Variants in NUP85 observed in about 807,000 individuals in gnomAD.
NUP85 encodes nuclear pore complex protein Nup85.
Under a neutral mutation model 92.8 loss-of-function variants are expected in NUP85, and 23 were observed. The ratio of observed to expected loss-of-function variants is 0.25; its 90% CI spans 0.18 to 0.35. The LOEUF (loss-of-function observed/expected upper bound fraction) is 0.35. Among genes scored for constraint, NUP85 ranks in the 10% least tolerant of loss-of-function variants. The pLI, the probability that NUP85 is intolerant of heterozygous loss-of-function variation, is 1.00. For synonymous variants in NUP85, 314 were observed against 306.9 expected (o/e 1.02, Z -0.24); for missense variants, 759 against 822.8 (o/e 0.92, Z 0.95).
chr17:75,219,277 G>A (rs2075527653), intron 7 of NUP85, among the ~76,000 whole-genome samples: 1 of 152,144 alleles, frequency 6.6e-6, no homozygotes, highest in Admixed American at 6.6e-5. Flanking sequence ...ATTCGCTAAG[G>A]TTTGTTGTTG....
chr17:75,220,123 G>A (rs1054349012), intron 7 of NUP85, among the ~76,000 whole-genome samples: 4 of 152,068 alleles, frequency 2.6e-5, no homozygotes, highest in African/African-American at 9.7e-5. Context: ...TAGCTGTGAG[G>A]TGGGTTTTTT....
Position 75,233,107 on chromosome 17 carries a change from ATTGACAACCTGGG to A in NUP85, c.1565_1577del (p.Ile522SerfsTer4). 1 of 1,614,042 alleles carries A rather than the reference ATTGACAACCTGGG, an allele frequency of 6.2e-7. No homozygotes were observed. On this transcript the variant is annotated frameshift_variant, in exon 16 of 19. Coordinates refer to ENST00000245544, the MANE Select transcript of NUP85 (RefSeq NM_024844.5). LOFTEE classifies it high-confidence loss of function. ...AGGCTGCTTTTCTGATTTGGATCTCATTGACAACCTGGGGCCAGCCATGATGCTCAGTGACCGA... is the reference window on the plus strand; with the variant it reads ...AGGCTGCTTTTCTGATTTGGATCTCAGCCAGCCATGATGCTCAGTGACCGA...
intron 4 of NUP85, 23 bp downstream of exon 4, chr17:75,212,085 C>A: frequency 2.1e-6 from 3 of 1,397,886 alleles, no homozygotes; most frequent in Non-Finnish European, 2.9e-6. Context: ...TGCGCGTGCG[C>A]GCGTGTGTGT....
chr17:75,208,575 G>T lies in NUP85; in HGVS notation c.82G>T (p.Gly28Cys), dbSNP rs1272373897. The T allele has an allele frequency of 6.2e-7, 1 of 1,610,184 alleles. No individual in the cohort carries two copies. Residue 28 changes from glycine (G) to cysteine (C), a missense_variant, in exon 2 of 19, where the codon GGT becomes TGT. Coordinates refer to ENST00000245544, the MANE Select transcript of NUP85 (RefSeq NM_024844.5). ...SKKNQMYFDW[G>C]PGEMLVCETS... ...GAAGAACCAAATGTATTTTGACTGG[G>T]GTCCAGGGGAGATGCTGGTATGTGA...
chr17:75,224,461 C>T (rs931187000), intron 7 of NUP85, among the ~76,000 whole-genome samples: 2 of 152,102 alleles, frequency 1.3e-5, no homozygotes, highest in African/African-American at 4.8e-5. Context: ...GAGAAATAAT[C>T]AACAGCACAC....
At position 75,229,730 on chromosome 17, in the gene NUP85, C is replaced by T. The variant is rs58856652; in HGVS notation, c.1095-1610C>T. Among the ~76,000 whole-genome samples the T allele has an allele frequency of 5.5e-3, 836 of 152,318 alleles. 7 individuals are homozygous for T. The highest frequency in any genetic ancestry group is 0.019 in the African/African-American group (785 of 41,566). On this transcript the variant is annotated intron_variant, in intron 11 of 18. Coordinates refer to ENST00000245544, the MANE Select transcript of NUP85 (RefSeq NM_024844.5). Reference sequence around the variant, plus strand: ...TGTTGTTAGTTCTCTGCTCTCAGTGCTTGCTGCCTTCCAGCCTTGGAGGCT... The same window carrying T: ...TGTTGTTAGTTCTCTGCTCTCAGTGTTTGCTGCCTTCCAGCCTTGGAGGCT...
chr17:75,230,217 A>C lies in NUP85; in HGVS notation c.1095-1123A>C, dbSNP rs896939160. Among the ~76,000 whole-genome samples the C allele has an allele frequency of 7.3e-5, 11 of 151,062 alleles. No individual in the cohort carries two copies. The East Asian group carries it at 1.2e-3, about 16-fold the overall frequency. On this transcript the variant is annotated intron_variant, in intron 11 of 18. Transcript: ENST00000245544. The stretch of plus-strand genomic sequence containing the variant: ...GCCACCACGCCCAGCTAACTTTTGT[A>C]TTTTTGGTGGAGATGGGGTTTTGCC...
intron 1 of NUP85, chr17:75,208,193 T>C (rs1399045832): frequency 1.7e-5 from 4 of 240,154 alleles, no homozygotes; most frequent in East Asian, 1.9e-4. Flanking sequence ...CCTAGCACTT[T>C]GGGAGGCTGA....
intron 6 of NUP85, 88 bp from the exon 7 acceptor site, chr17:75,218,097 T>C (rs2075485795): frequency 7.0e-6 from 11 of 1,566,636 alleles, no homozygotes; most frequent in Non-Finnish European, 9.6e-6. Flanking sequence ...TCAGCTTGTC[T>C]GCCTTAAAGT....
chr17:75,218,260 T>C lies in NUP85; in HGVS notation c.551T>C (p.Val184Ala). The C allele has an allele frequency of 6.2e-7, 1 of 1,613,910 alleles. No individual in the cohort carries two copies. The highest frequency in any genetic ancestry group is 1.1e-5 in the South Asian group (1 of 91,076). ...GAGGTGGACAGTTTGTCGGCAGATG[T>C]TCTGGGCAGTGAGAATCCAAGCAAA... is the stretch of plus-strand genomic sequence containing the variant. ...VCEVDSLSAD[V>A]LGSENPSKHD... The change falls in exon 7 of 19, where the codon GTT (valine) becomes GCT (alanine). Residue 184 changes from valine (V) to alanine (A), a missense_variant. Transcript: ENST00000245544.
rs115995195 is a variant in NUP85 at position 75,226,273 on chromosome 17, T to C, written c.1094+116T>C. 1.7e-3 allele frequency: 1,227 copies of C among 733,368 alleles called. 11 individuals are homozygous for C. The African/African-American group carries it at 0.019, about 11-fold the overall frequency. The allele number at this position is 733,368 out of a possible 1,614,324, so 45.4% of individuals were successfully genotyped here. On this transcript the variant is annotated intron_variant, in intron 11 of 18. Coordinates refer to ENST00000245544, the MANE Select transcript of NUP85 (RefSeq NM_024844.5). ...CCTTCTTCCCTCAGACCTGCTATCT[T>C]AGTCCATCTCACGCTGATATTACAG...
intron 6 of NUP85, among the ~76,000 whole-genome samples, chr17:75,216,722 T>C (rs1253580845): frequency 6.6e-6 from 1 of 152,214 alleles, no homozygotes; most frequent in African/African-American, 2.4e-5. Context: ...AGCATTTTAT[T>C]CATACTCTCA....
chr17:75,212,226 GA>G lies in NUP85; in HGVS notation c.361+165del, dbSNP rs2075286833. Among the ~76,000 whole-genome samples, 9 of 76,440 alleles carry G rather than the reference GA, an allele frequency of 1.2e-4. 2 individuals carry two copies. Among genetic ancestry groups the G allele is most frequent in the South Asian group, 4.9e-4 (1 of 2,030 alleles). 50.1% of individuals were successfully genotyped at this position (76,440 alleles called of 152,430 possible). A position where few individuals can be genotyped will look rare whatever the true frequency, so the allele number is the denominator to read the frequency against. On this transcript the variant is annotated intron_variant, in intron 4 of 18. Transcript: ENST00000245544. ...TCCTTACTTTTTTGGTAATCATTTA[GA>G]GGTTTTTTTTTTTGTTGTTGTTTTT...
At chr17:75,223,892 A>G (rs2145339592) in intron 7 of NUP85, among the ~76,000 whole-genome samples, 1 of 152,312 alleles carries the variant, frequency 6.6e-6, no homozygotes, top group East Asian at 1.9e-4. Flanking sequence ...CCACCTTTCC[A>G]GATAGTGGTG....
rs1201009726 is a variant in NUP85, at chr17:75,231,445, ATCC to A, written c.1178+28_1178+30del. 2 of 1,613,490 alleles carry A rather than the reference ATCC, an allele frequency of 1.2e-6. No individual in the cohort carries two copies. The highest frequency in any genetic ancestry group is 2.2e-5 in the South Asian group (2 of 91,060). ...TCTAGTAAGTGGCCGGGAGGCACCG[ATCC>A]TCCTCTTCTTACCACCAGGCCCCCG... On this transcript the variant is annotated intron_variant, in intron 12 of 18. Coordinates refer to ENST00000245544, the MANE Select transcript of NUP85 (RefSeq NM_024844.5). This position sits in a 1 kb window ranked among gnomAD's most constrained non-coding sequence, Gnocchi z 4.6.
Position 75,212,247 on chromosome 17 carries a change from GTTTTTT to G in NUP85, c.361+219_361+224del, listed in dbSNP as rs1219393857. ...TTTAGAGGTTTTTTTTTTTGTTGTT[GTTTTTT>G]TTTTTTTTTTTTTTTTTTTTTTTTT... On this transcript the variant is annotated intron_variant, in intron 4 of 18. Coordinates refer to ENST00000245544, the MANE Select transcript of NUP85 (RefSeq NM_024844.5). 1.6e-3 allele frequency among the ~76,000 whole-genome samples: 6 copies of G among 3,670 alleles called. 1 individual carries two copies. Among genetic ancestry groups the G allele is most frequent in the African/African-American group, 2.1e-3 (6 of 2,900 alleles). 2.4% of individuals were successfully genotyped at this position (3,670 alleles called of 152,430 possible). A position where few individuals can be genotyped will look rare whatever the true frequency, so the allele number is the denominator to read the frequency against.
chr17:75,225,085 G>T lies in NUP85; in HGVS notation c.598-18G>T. 6.5e-7 allele frequency: 1 copy of T among 1,531,088 alleles called. No individual in the cohort carries two copies. The highest frequency in any genetic ancestry group is 8.8e-7 in the Non-Finnish European group (1 of 1,137,262). The allele number at this position is 1,531,088 out of a possible 1,614,324, so 94.8% of individuals were successfully genotyped here. A position where few individuals can be genotyped will look rare whatever the true frequency, so the allele number is the denominator to read the frequency against. ...CCAGGCCTCCTGCCAATGCTTATGG[G>T]CCCGGATCTCCTCCCAGGTGACCAT... On this transcript the variant is annotated intron_variant, in intron 7 of 18. Coordinates refer to ENST00000245544, the MANE Select transcript of NUP85 (RefSeq NM_024844.5).
intron 7 of NUP85, 45 bp from the exon 8 acceptor site, chr17:75,225,058 G>A (rs1043039970): frequency 1.3e-5 from 19 of 1,510,796 alleles, no homozygotes; most frequent in Admixed American, 2.2e-5. Context: ...GCCTCGGCAG[G>A]GCCAGGCCTC....
In NUP85 at chr17:75,235,166, C is replaced by T; in HGVS notation, c.1834C>T (p.Pro612Ser). ...TCTGGAGGACTTGACGTCAAGAAGA[C>T]CTGTGCATGGAGAATCTGATACCGA... The part of the protein sequence containing the change: ...RCLEDLTSRR[P>S]VHGESDTEQL... Residue 612 changes from proline (P) to serine (S), a missense_variant, in exon 18 of 19, where the codon CCT (proline) becomes TCT (serine). Coordinates refer to ENST00000245544, the MANE Select transcript of NUP85 (RefSeq NM_024844.5). The T allele has an allele frequency of 6.2e-7, 1 of 1,614,096 alleles. No individual in the cohort carries two copies. The highest frequency in any genetic ancestry group is 8.5e-7 in the Non-Finnish European group (1 of 1,179,974).
Sources: gnomAD v4.1 joint callset for allele counts (sites outside exome capture counted in the v4.1 genomes callset) on GRCh38, gnomAD v4.1.1 for gene constraint, Gnocchi (gnomAD v3.1) non-coding constraint, MANE v1.5 for transcripts, NCBI Gene and HGNC (gene_info 2026-07-23, HGNC 2026-07-21) for gene names.